NUP155: variants seen among roughly 807,000 people sequenced by gnomAD.
NUP155 encodes the protein nuclear pore complex protein Nup155.
Under a neutral mutation model 180.4 loss-of-function variants are expected in NUP155, and 71 were observed. That is an observed-to-expected ratio of 0.39 (90% CI 0.33 to 0.48). NUP155 has a LOEUF of 0.48. NUP155 is among the 20% of genes least tolerant of loss of function. The pLI is 0.91. For missense variants in NUP155, 1,553 were observed against 1,648.9 expected, an observed-to-expected ratio of 0.94 and a Z score of 1.01; for synonymous variants, 582 against 559.5, an observed-to-expected ratio of 1.04 and a Z score of -0.57.
chr5:37,354,240 G>A lies in NUP155; in HGVS notation c.464-1411C>T, dbSNP rs149937072. Reference sequence around the variant, plus strand: ...CGGCTCACTATAACCTCTGCCTCCCGGGTTCAAGTGATCCTCCTGCCTCAG... The same window carrying A: ...CGGCTCACTATAACCTCTGCCTCCCAGGTTCAAGTGATCCTCCTGCCTCAG... On this transcript the variant is annotated intron_variant, in intron 4 of 34. Coordinates refer to ENST00000231498, the MANE Select transcript of NUP155 (RefSeq NM_153485.3). 8.0e-3 allele frequency among the ~76,000 whole-genome samples: 1,186 copies of A among 148,898 alleles called. 21 individuals are homozygous for A. Among genetic ancestry groups the A allele is most frequent in the African/African-American group, 0.028 (1,128 of 40,470 alleles).
chr5:37,359,664 T>A (rs533249102), intron 3 of NUP155, among the ~76,000 whole-genome samples: 1 of 152,260 alleles, frequency 6.6e-6, no homozygotes, highest in East Asian at 1.9e-4. Flanking sequence ...TCTACTGTCT[T>A]AACATGATTT....
In NUP155 at chr5:37,350,292, T is replaced by C. The variant is rs749498041; in HGVS notation, c.724-27A>G. ...TTAAAGAAAAAAGTAGAAAGACGAC[T>C]TATAAAAGTATGTAACTCCCTTACA... On this transcript the variant is annotated intron_variant, in intron 6 of 34. Transcript: ENST00000231498. The C allele has an allele frequency of 1.0e-5, 15 of 1,481,768 alleles. No individual in the cohort carries two copies. The East Asian group carries it at 3.4e-4, about 34-fold the overall frequency. 91.8% of individuals were successfully genotyped at this position (1,481,768 alleles called of 1,614,324 possible).
At chr5:37,339,935 T>C (rs1036237770) in intron 11 of NUP155, among the ~76,000 whole-genome samples, 8 of 152,160 alleles carry the variant, frequency 5.3e-5, no homozygotes, top group African/African-American at 1.4e-4. Flanking sequence ...CTAATTTTTG[T>C]ATTTTTAGTA....
Position 37,351,190 on chromosome 5 carries a change from C to T in NUP155, c.723G>A (p.Gln241=), listed in dbSNP as rs1214556979. ...AAACGTTTACAAATGTCAGACTTAC[C>T]TGGTAGGCTACTTCATATAAACAGC... ...KDGCLYEVAY[Q]AEAGWFSQRC... is the part of the protein sequence containing the mutation. The change falls in exon 6 of 35, where the codon CAG becomes CAA. Residue 241 remains glutamine (Q), a splice_region_variant and synonymous_variant. Coordinates refer to ENST00000231498, the MANE Select transcript of NUP155 (RefSeq NM_153485.3). The T allele has an allele frequency of 2.2e-5, 35 of 1,613,498 alleles. No homozygotes were observed. Among genetic ancestry groups the T allele is most frequent in the Non-Finnish European group, 2.9e-5 (34 of 1,179,626 alleles).
At chr5:37,369,195 T>C (rs1204299382) in intron 1 of NUP155, among the ~76,000 whole-genome samples, 2 of 151,948 alleles carry the variant, frequency 1.3e-5, no homozygotes, top group East Asian at 1.9e-4. Flanking sequence ...GAGGCTGCAA[T>C]GAGCTGTGAT....
At chr5:37,294,008 A>AAAAAAAAAAAAAAT (rs1742377908) in intron 33 of NUP155, among the ~76,000 whole-genome samples, 1 of 72,228 alleles carries the variant, frequency 1.4e-5, no homozygotes, top group Non-Finnish European at 2.2e-5. Context: ...GCCGTCTCAA[A>AAAAAAAAAAAAAAT]AAAAAAAAAA....
intron 32 of NUP155, among the ~76,000 whole-genome samples, chr5:37,295,914 G>A (rs1292234969): frequency 4.6e-4 from 67 of 146,208 alleles, no homozygotes; most frequent in African/African-American, 1.5e-3. Context: ...CGCCCCGTCC[G>A]GGAGGTGAGG....
chr5:37,304,110 C>T (rs983127235), intron 27 of NUP155, among the ~76,000 whole-genome samples: 2 of 151,448 alleles, frequency 1.3e-5, no homozygotes, highest in Non-Finnish European at 2.9e-5. Flanking sequence ...ATTAGCTGTG[C>T]GTGGTGGCGG....
Position 37,371,092 on chromosome 5 carries a change from C to T in NUP155, c.-115G>A, listed in dbSNP as rs549936735. On this transcript the variant is annotated 5_prime_UTR_variant, in exon 1 of 35. Transcript: ENST00000231498. ...CTAGGGCGCGCGCGCCAAACGAGCG[C>T]CTTGGCGCCTCGACATGACGCACTT... The T allele has an allele frequency of 4.3e-5, 45 of 1,037,626 alleles. No individual in the cohort carries two copies. The South Asian group carries it at 5.2e-4, about 12-fold the overall frequency. 64.3% of individuals were successfully genotyped at this position (1,037,626 alleles called of 1,614,324 possible). A position where few individuals can be genotyped will look rare whatever the true frequency, so the allele number is the denominator to read the frequency against.
At chr5:37,316,198 T>C (rs1454694964) in intron 21 of NUP155, among the ~76,000 whole-genome samples, 1 of 152,196 alleles carries the variant, frequency 6.6e-6, no homozygotes, top group African/African-American at 2.4e-5. Context: ...GGAAATGTGG[T>C]ATATGTGCAC....
At chr5:37,360,429 C>T (rs1747124447) in intron 3 of NUP155, among the ~76,000 whole-genome samples, 1 of 150,258 alleles carries the variant, frequency 6.7e-6, no homozygotes, top group African/African-American at 2.5e-5. Flanking sequence ...AGGTTGCAGT[C>T]AGCCAAGATC....
chr5:37,307,208 A>AG, intron 25 of NUP155, 89 bp downstream of exon 25: 2 of 1,400,356 alleles, frequency 1.4e-6, no homozygotes. Context: ...AAAAAAAAAA[A>AG]AAAAACATAA....
At chr5:37,337,996 G>T in intron 11 of NUP155, 78 bp from the exon 12 acceptor site, 2 of 933,842 alleles carry the variant, frequency 2.1e-6, no homozygotes, top group Non-Finnish European at 3.4e-6. Flanking sequence ...TATTAGGTTA[G>T]TGCAAAAGCA....
chr5:37,331,637 CTGTT>C (rs1185899631), intron 14 of NUP155, 44 bp downstream of exon 14: 23 of 1,007,420 alleles, frequency 2.3e-5, no homozygotes, highest in Non-Finnish European at 3.2e-5. Context: ...ATGACTCCCA[CTGTT>C]TGTTTAAAAT....
At chr5:37,322,019 C>T (rs902864591) in intron 20 of NUP155, among the ~76,000 whole-genome samples, 4 of 152,000 alleles carry the variant, frequency 2.6e-5, no homozygotes, top group African/African-American at 9.7e-5. Context: ...CCACACCTGG[C>T]TAGTTTTGTA....
Position 37,364,880 on chromosome 5 carries a change from C to T in NUP155, c.158-496G>A, listed in dbSNP as rs370651685. Among the ~76,000 whole-genome samples, 185 of 151,888 alleles carry T rather than the reference C, an allele frequency of 1.2e-3. 1 individual carries two copies. The highest frequency in any genetic ancestry group is 4.3e-3 in the African/African-American group (178 of 41,482). On this transcript the variant is annotated intron_variant, in intron 1 of 34. Coordinates refer to ENST00000231498, the MANE Select transcript of NUP155 (RefSeq NM_153485.3). ...CTTGATCTCCTGACCTCATGATCCG[C>T]CCGCCTCGGCCTCCCAAAAGGCTAG...
Position 37,324,026 on chromosome 5 carries a change from A to C in NUP155, c.2173T>G (p.Ser725Ala), listed in dbSNP as rs747522454. The C allele has an allele frequency of 6.2e-7, 1 of 1,613,088 alleles. No individual in the cohort carries two copies. ...CCTAATGGTCCTCCTGCAAACTGGGAGTTTCTGTCTAGAAATTCCTGCAAA... is the reference window on the plus strand; with the variant it reads ...CCTAATGGTCCTCCTGCAAACTGGGCGTTTCTGTCTAGAAATTCCTGCAAA... Reference protein sequence around the residue: ...KGLQEFLDRNSQFAGGPLGNP... With the variant: ...KGLQEFLDRNAQFAGGPLGNP... Residue 725 changes from serine to alanine, a missense_variant, in exon 20 of 35, where the codon TCC becomes GCC. Physicochemically the swap from Ser to Ala is moderately conservative, Grantham distance 99. Coordinates refer to ENST00000231498, the MANE Select transcript of NUP155 (RefSeq NM_153485.3).
chr5:37,326,329 G>C (rs186139245), intron 18 of NUP155, among the ~76,000 whole-genome samples: 264 of 152,238 alleles, frequency 1.7e-3, no homozygotes, highest in Non-Finnish European at 3.2e-3. Flanking sequence ...AGCTAACTAA[G>C]ATAACATGAT....
At chr5:37,294,568 A>T in intron 32 of NUP155, 103 bp from the exon 33 acceptor site, 1 of 1,195,602 alleles carries the variant, frequency 8.4e-7, no homozygotes, top group Non-Finnish European at 1.2e-6. Context: ...TATCTTCTGA[A>T]ATCCAATTGC....
Sources: allele counts gnomAD v4.1 joint callset (sites outside exome capture counted in the v4.1 genomes callset), GRCh38; gene constraint gnomAD v4.1.1; transcripts MANE v1.5; gene names NCBI Gene and HGNC (gene_info 2026-07-23, HGNC 2026-07-21).